The following TOP1 variants were observed in gnomAD, a reference collection of about 807,000 sequenced individuals.
TOP1 encodes the protein DNA topoisomerase I.
A neutral mutation model predicts 111.1 loss-of-function variants in TOP1; 10 were observed. The ratio of observed to expected loss-of-function variants is 0.09; its 90% CI spans 0.06 to 0.15. The LOEUF (loss-of-function observed/expected upper bound fraction) is 0.15. Ranked by LOEUF, TOP1 falls within the 10% of genes least tolerant of loss-of-function variation. The pLI, the probability that TOP1 is intolerant of heterozygous loss-of-function variation, is 1.00. For synonymous variants in TOP1, 271 were observed against 302.9 expected (o/e 0.89, Z 1.10); for missense variants, 474 against 926.7 (o/e 0.51, Z 6.34).
In TOP1 at chr20:41,123,039, A is replaced by C. The variant is rs1475992172; in HGVS notation, c.2196-156A>C. ...ATCACTGCCAAGATTAAATGAGTTGATCACATAAAACCTTTAGAACATGCT... is the reference window on the plus strand; with the variant it reads ...ATCACTGCCAAGATTAAATGAGTTGCTCACATAAAACCTTTAGAACATGCT... On this transcript the variant is annotated intron_variant, in intron 20 of 20. Coordinates refer to ENST00000361337, the MANE Select transcript of TOP1 (RefSeq NM_003286.4). This position sits in a 1 kb window ranked among gnomAD's most constrained non-coding sequence, Gnocchi z 5.8. 1.3e-5 allele frequency among the ~76,000 whole-genome samples: 2 copies of C among 152,212 alleles called. No individual in the cohort carries two copies. The highest frequency in any genetic ancestry group is 2.9e-5 in the Non-Finnish European group (2 of 68,040).
intron 2 of TOP1, among the ~76,000 whole-genome samples, chr20:41,041,437 CAAAAAAA>C (rs780663951): frequency 4.5e-5 from 4 of 89,006 alleles, no homozygotes; most frequent in South Asian, 4.1e-4. Flanking sequence ...GACCCTGTCT[CAAAAAAA>C]AAAAAAAAAA....
Position 41,097,053 on chromosome 20 carries a change from G to C in TOP1, c.731-167G>C, listed in dbSNP as rs2033991766. Among the ~76,000 whole-genome samples the C allele has an allele frequency of 6.6e-6, 1 of 152,188 alleles. No homozygotes were observed. On this transcript the variant is annotated intron_variant, in intron 9 of 20. Transcript: ENST00000361337. This position sits in a 1 kb window ranked among gnomAD's most constrained non-coding sequence, Gnocchi z 4.2. ...AAGAGAAGGAGAATTTGTACAAGTAGATATAAATCAGTATGTTGTCTTTGT... is the reference window on the plus strand; with the variant it reads ...AAGAGAAGGAGAATTTGTACAAGTACATATAAATCAGTATGTTGTCTTTGT...
chr20:41,041,911 T>TGAG (rs2122596878), intron 2 of TOP1, among the ~76,000 whole-genome samples: 1 of 151,806 alleles, frequency 6.6e-6, no homozygotes, highest in East Asian at 1.9e-4. Flanking sequence ...ATGATGATTA[T>TGAG]TATTATTATT....
At chr20:41,050,771 T>A (rs939683771) in intron 2 of TOP1, among the ~76,000 whole-genome samples, 2 of 152,240 alleles carry the variant, frequency 1.3e-5, no homozygotes, top group African/African-American at 4.8e-5. Flanking sequence ...ACACCCCTGA[T>A]ATTTACTGCA....
At chr20:41,054,619 A>G (rs2033447500) in intron 2 of TOP1, among the ~76,000 whole-genome samples, 1 of 152,214 alleles carries the variant, frequency 6.6e-6, no homozygotes, top group Non-Finnish European at 1.5e-5. Flanking sequence ...TGGTGCTGGC[A>G]CCCGTATTAG....
rs368658944 is a variant in TOP1 at position 41,045,143 on chromosome 20, ATTATT to A, written c.58+15707_58+15711del. On this transcript the variant is annotated intron_variant, in intron 2 of 20. Transcript: ENST00000361337. ...GTGGTAAGTGGGACCAAAGAACTTA[ATTATT>A]TTATTTTATTTTATTTTAATTTAAA... Among the ~76,000 whole-genome samples, 65 of 152,252 alleles carry A rather than the reference ATTATT, an allele frequency of 4.3e-4. No individual in the cohort carries two copies. In the East Asian group the frequency reaches 8.3e-3, roughly 19 times the overall value.
rs1317246326 is a variant in TOP1 at position 41,028,873 on chromosome 20, C to A, written c.-195C>A. 2 of 560,606 alleles carry A rather than the reference C, an allele frequency of 3.6e-6. No homozygotes were observed. Among genetic ancestry groups the A allele is most frequent in the East Asian group, 6.9e-5 (2 of 29,178 alleles). 34.7% of individuals were successfully genotyped at this position (560,606 alleles called of 1,614,324 possible). A position where few individuals can be genotyped will look rare whatever the true frequency, so the allele number is the denominator to read the frequency against. On this transcript the variant is annotated 5_prime_UTR_variant, in exon 1 of 21. Transcript: ENST00000361337. ...ACTGCTGGGGTCTGTTCTCGCCGCC[C>A]GCCCGGCAGTCAGGCAGCGTCGCCG...
Position 41,097,752 on chromosome 20 carries a change from T to A in TOP1, c.852+411T>A, listed in dbSNP as rs1474814281. ...TTTCTACTCTTGAAACCACATATAC[T>A]ATATTTGCCTAGGTGATTTTTTAAA... On this transcript the variant is annotated intron_variant, in intron 10 of 20. Transcript: ENST00000361337. The surrounding 1 kb of genome is among the most constrained non-coding windows in gnomAD (Gnocchi z 4.2). Among the ~76,000 whole-genome samples the A allele has an allele frequency of 1.3e-5, 2 of 152,352 alleles. No individual in the cohort carries two copies. The highest frequency in any genetic ancestry group is 3.9e-4 in the East Asian group (2 of 5,194).
Position 41,097,188 on chromosome 20 carries a change from A to T in TOP1, c.731-32A>T, listed in dbSNP as rs976113105. On this transcript the variant is annotated intron_variant, in intron 9 of 20. Transcript: ENST00000361337. This position sits in a 1 kb window ranked among gnomAD's most constrained non-coding sequence, Gnocchi z 4.2. ...TTTATGCTTAGAACATGAATACTAT[A>T]CCTCACTTTTTGGAACCACTTTTTT... 1 of 1,608,920 alleles carries T rather than the reference A, an allele frequency of 6.2e-7. No homozygotes were observed. The highest frequency in any genetic ancestry group is 8.5e-7 in the Non-Finnish European group (1 of 1,178,566).
intron 2 of TOP1, among the ~76,000 whole-genome samples, chr20:41,056,965 T>TA (rs1012840917): frequency 2.4e-4 from 36 of 148,726 alleles, no homozygotes; most frequent in African/African-American, 6.9e-4. Flanking sequence ...TTTTGTGCAT[T>TA]AAAAAAAAAA....
chr20:41,073,420 C>A, intron 3 of TOP1: 2 of 983,328 alleles, frequency 2.0e-6, no homozygotes, highest in Non-Finnish European at 2.4e-6. Context: ...AAGAAACAAG[C>A]AACCCCAAAG....
Position 41,029,120 on chromosome 20 carries a change from T to TGGCGGCCCCGGACCCC in TOP1, c.33+24_33+39dup, listed in dbSNP as rs2033080819. ...TCCCAGGTACGGCCCGGCCTGACCC[T>TGGCGGCCCCGGACCCC]GGCGGCCCCGGACCCCGGCCTGGCC... On this transcript the variant is annotated intron_variant, in intron 1 of 20. Coordinates refer to ENST00000361337, the MANE Select transcript of TOP1 (RefSeq NM_003286.4). The surrounding 1 kb of genome is among the most constrained non-coding windows in gnomAD (Gnocchi z 6.1). The TGGCGGCCCCGGACCCC allele has an allele frequency of 6.7e-7, 1 of 1,489,828 alleles. No individual in the cohort carries two copies. The highest frequency in any genetic ancestry group is 2.3e-5 in the Admixed American group (1 of 43,848). 92.3% of individuals were successfully genotyped at this position (1,489,828 alleles called of 1,614,324 possible).
At chr20:41,059,842 A>G (rs974910017) in intron 2 of TOP1, among the ~76,000 whole-genome samples, 2 of 152,240 alleles carry the variant, frequency 1.3e-5, no homozygotes, top group Non-Finnish European at 2.9e-5. Context: ...TCTTACAACT[A>G]GGTAGTAAGA....
At chr20:41,062,022 A>G (rs780705467) in intron 3 of TOP1, among the ~76,000 whole-genome samples, 8 of 152,226 alleles carry the variant, frequency 5.3e-5, no homozygotes, top group Admixed American at 3.3e-4. Context: ...AAAGCCTACA[A>G]TCACCAATAT....
chr20:41,061,603 G>A lies in TOP1; in HGVS notation c.155+113G>A, dbSNP rs2033546169. ...ACATGTAAAGATAGCAAAGTAAGTAGAAACTGTATTTGATCCTAGAGTTGC... is the reference window on the plus strand; with the variant it reads ...ACATGTAAAGATAGCAAAGTAAGTAAAAACTGTATTTGATCCTAGAGTTGC... On this transcript the variant is annotated intron_variant, in intron 3 of 20. Coordinates refer to ENST00000361337, the MANE Select transcript of TOP1 (RefSeq NM_003286.4). The surrounding 1 kb of genome is among the most constrained non-coding windows in gnomAD (Gnocchi z 4.6). The A allele has an allele frequency of 1.1e-6, 1 of 907,412 alleles. No individual in the cohort carries two copies. The highest frequency in any genetic ancestry group is 2.5e-5 in the Admixed American group (1 of 39,806). The allele number at this position is 907,412 out of a possible 1,614,324, so 56.2% of individuals were successfully genotyped here. A position where few individuals can be genotyped will look rare whatever the true frequency, so the allele number is the denominator to read the frequency against.
chr20:41,113,730 A>T (rs58918531), intron 14 of TOP1, among the ~76,000 whole-genome samples: 10,171 of 150,260 alleles, frequency 0.068, 1,037 homozygotes, highest in African/African-American at 0.23. Context: ...AAAAAAAAAA[A>T]AATAAAAATT....
At chr20:41,090,130 C>A (rs950968156) in intron 8 of TOP1, among the ~76,000 whole-genome samples, 6 of 151,958 alleles carry the variant, frequency 3.9e-5, no homozygotes. Context: ...TGCACCACCA[C>A]GCCTGGCTAA....
Position 41,080,285 on chromosome 20 carries a change from G to A in TOP1, c.431+105G>A. 1 of 659,208 alleles carries A rather than the reference G, an allele frequency of 1.5e-6. No individual in the cohort carries two copies. Among genetic ancestry groups the A allele is most frequent in the Non-Finnish European group, 2.5e-6 (1 of 394,972 alleles). The allele number at this position is 659,208 out of a possible 1,614,324, so 40.8% of individuals were successfully genotyped here. On this transcript the variant is annotated intron_variant, in intron 6 of 20. Coordinates refer to ENST00000361337, the MANE Select transcript of TOP1 (RefSeq NM_003286.4). This position sits in a 1 kb window ranked among gnomAD's most constrained non-coding sequence, Gnocchi z 5.0. ...ATACATATAGAAACTGCATTAATTGGCTTTTACTCATTTGGAATTTGTGAT... is the reference window on the plus strand; with the variant it reads ...ATACATATAGAAACTGCATTAATTGACTTTTACTCATTTGGAATTTGTGAT...
At chr20:41,091,707 C>T (rs564845700) in intron 8 of TOP1, among the ~76,000 whole-genome samples, 1 of 151,936 alleles carries the variant, frequency 6.6e-6, no homozygotes, top group South Asian at 2.1e-4. Context: ...CAGGTGCGCG[C>T]CACCATGCCC....
Sources: gnomAD v4.1 joint callset for allele counts (sites outside exome capture counted in the v4.1 genomes callset) on GRCh38, gnomAD v4.1.1 for gene constraint, Gnocchi (gnomAD v3.1) non-coding constraint, MANE v1.5 for transcripts, NCBI Gene and HGNC (gene_info 2026-07-23, HGNC 2026-07-21) for gene names.